Variants in GPC5 observed in about 807,000 individuals in gnomAD.
GPC5 encodes the protein glypican 5, also known as glypican-5.
In GPC5, 47 loss-of-function variants were observed where a neutral mutation model predicts 53.9. The observed-to-expected ratio is 0.87, with a 90% CI of 0.69 to 1.11. The LOEUF (loss-of-function observed/expected upper bound fraction) is 1.11. Ranked by LOEUF, GPC5 falls within the 50% of genes most tolerant of loss-of-function variation. GPC5 has a pLI of 0.00. For synonymous variants in GPC5, 286 were observed against 263.3 expected (o/e 1.09, Z -0.84); for missense variants, 748 against 713.1 (o/e 1.05, Z -0.56).
intron 5 of GPC5, among the ~76,000 whole-genome samples, chr13:91,773,555 A>C (rs1349213896): frequency 1.3e-5 from 2 of 152,190 alleles, no homozygotes; most frequent in African/African-American, 4.8e-5. Context: ...TGAAGGTTGA[A>C]TTTTTATATA....
intron 7 of GPC5, among the ~76,000 whole-genome samples, chr13:92,269,835 T>C (rs1216623839): frequency 1.3e-5 from 2 of 152,244 alleles, no homozygotes; most frequent in Admixed American, 6.5e-5. Flanking sequence ...CCTTGTTTTC[T>C]TGCTTTATAG....
chr13:91,854,510 C>A (rs1168675769), intron 5 of GPC5, among the ~76,000 whole-genome samples: 1 of 151,660 alleles, frequency 6.6e-6, no homozygotes, highest in African/African-American at 2.4e-5. Flanking sequence ...CTTTTTGGAC[C>A]CATTAAACAT....
intron 2 of GPC5, among the ~76,000 whole-genome samples, chr13:91,537,210 TAAAC>T (rs1011763761): frequency 6.6e-6 from 1 of 151,870 alleles, no homozygotes; most frequent in African/African-American, 2.4e-5. Context: ...GGAAACGAGT[TAAAC>T]AGAGAATAGA....
At chr13:92,038,384 GTAGA>G (rs1304938834) in intron 6 of GPC5, among the ~76,000 whole-genome samples, 1 of 73,766 alleles carries the variant, frequency 1.4e-5, no homozygotes, top group African/African-American at 6.4e-5. Context: ...AGATAGATAG[GTAGA>G]TAGATAGATC....
Position 92,527,252 on chromosome 13 carries a change from AAAGAAAGAAAG to A in GPC5, c.1562-339027_1562-339017del, listed in dbSNP as rs1566277279. On this transcript the variant is annotated intron_variant, in intron 7 of 7. Coordinates refer to ENST00000377067, the MANE Select transcript of GPC5 (RefSeq NM_004466.6). ...AAGAAAGAAAGAAAGAAAGAAAGAG[AAAGAAAGAAAG>A]AAAGAAAGAAAGAAAGAAAAAGATC... Among the ~76,000 whole-genome samples, 522 of 98,332 alleles carry A rather than the reference AAAGAAAGAAAG, an allele frequency of 5.3e-3. 28 individuals are homozygous for A. The highest frequency in any genetic ancestry group is 0.024 in the African/African-American group (450 of 18,842). 64.5% of individuals were successfully genotyped at this position (98,332 alleles called of 152,430 possible). A position where few individuals can be genotyped will look rare whatever the true frequency, so the allele number is the denominator to read the frequency against.
intron 2 of GPC5, among the ~76,000 whole-genome samples, chr13:91,650,791 C>T (rs2034689115): frequency 9.1e-6 from 1 of 109,838 alleles, no homozygotes; most frequent in Non-Finnish European, 1.8e-5. Context: ...AGGCTAAAAA[C>T]CATTTGTTCT....
intron 7 of GPC5, among the ~76,000 whole-genome samples, chr13:92,238,392 C>A (rs2042585613): frequency 6.6e-6 from 1 of 152,120 alleles, no homozygotes; most frequent in African/African-American, 2.4e-5. Context: ...TTGATTATAA[C>A]CATCCTAGTT....
At chr13:91,829,556 G>C (rs2038624003) in intron 5 of GPC5, among the ~76,000 whole-genome samples, 1 of 152,144 alleles carries the variant, frequency 6.6e-6, no homozygotes, top group East Asian at 1.9e-4. Flanking sequence ...GGGTGAGAAA[G>C]AATGAGTAAA....
chr13:91,710,074 T>C (rs756232727), intron 3 of GPC5, among the ~76,000 whole-genome samples: 1 of 152,174 alleles, frequency 6.6e-6, no homozygotes, highest in African/African-American at 2.4e-5. Context: ...CTTAACCCCA[T>C]GTTGTGTTGA....
intron 2 of GPC5, among the ~76,000 whole-genome samples, chr13:91,616,516 C>T (rs991902614): frequency 2.0e-5 from 3 of 152,046 alleles, no homozygotes; most frequent in African/African-American, 7.2e-5. Flanking sequence ...AACTTCTGTT[C>T]CACTGTATCT....
intron 6 of GPC5, among the ~76,000 whole-genome samples, chr13:91,931,478 G>A (rs1291514478): frequency 6.6e-6 from 1 of 151,956 alleles, no homozygotes; most frequent in South Asian, 2.1e-4. Flanking sequence ...TTACACAGAA[G>A]CCCAACGTCA....
intron 4 of GPC5, among the ~76,000 whole-genome samples, chr13:91,729,616 A>G (rs1046804803): frequency 2.0e-5 from 3 of 152,192 alleles, no homozygotes; most frequent in African/African-American, 7.2e-5. Flanking sequence ...TGCATGGGAT[A>G]AAGATCTGGG....
chr13:91,572,055 A>G (rs867886100), intron 2 of GPC5, among the ~76,000 whole-genome samples: 1,409 of 130,894 alleles, frequency 0.011, 28 homozygotes, highest in Non-Finnish European at 0.013. Context: ...ACACATATGT[A>G]TATATACATG....
At chr13:92,481,556 G>A (rs1221989684) in intron 7 of GPC5, among the ~76,000 whole-genome samples, 1 of 152,126 alleles carries the variant, frequency 6.6e-6, no homozygotes, top group African/African-American at 2.4e-5. Context: ...AAACCTTACT[G>A]AACTTTCATT....
chr13:92,088,704 C>A (rs1285967304), intron 6 of GPC5, among the ~76,000 whole-genome samples: 1 of 152,154 alleles, frequency 6.6e-6, no homozygotes, highest in Non-Finnish European at 1.5e-5. Context: ...GGTATTGCGT[C>A]TCTGTGTATA....
chr13:91,805,483 C>A (rs1327001900), intron 5 of GPC5, among the ~76,000 whole-genome samples: 1 of 136,568 alleles, frequency 7.3e-6, no homozygotes, highest in Non-Finnish European at 1.6e-5. Flanking sequence ...TGACTTTGGT[C>A]AAAGGGACTT....
intron 6 of GPC5, among the ~76,000 whole-genome samples, chr13:91,940,403 A>G (rs1219437154): frequency 6.6e-6 from 1 of 152,178 alleles, no homozygotes; most frequent in Non-Finnish European, 1.5e-5. Context: ...GTTGATGGGC[A>G]TCTAGGTTGA....
chr13:92,270,340 T>G (rs1421262826), intron 7 of GPC5, among the ~76,000 whole-genome samples: 2 of 152,172 alleles, frequency 1.3e-5, no homozygotes, highest in Non-Finnish European at 2.9e-5. Context: ...GATTTCCCCC[T>G]CCATGCCGCT....
chr13:92,559,171 A>G (rs1306586194), intron 7 of GPC5, among the ~76,000 whole-genome samples: 1 of 151,920 alleles, frequency 6.6e-6, no homozygotes, highest in African/African-American at 2.4e-5. Context: ...GACAACTTCA[A>G]CATGATGTCT....
Sources: gnomAD v4.1 joint callset for allele counts (sites outside exome capture counted in the v4.1 genomes callset) on GRCh38, gnomAD v4.1.1 for gene constraint, MANE v1.5 for transcripts, NCBI Gene and HGNC (gene_info 2026-07-23, HGNC 2026-07-21) for gene names.